SUGCT: variants seen among roughly 807,000 people sequenced by gnomAD.
SUGCT encodes succinyl-CoA:glutarate CoA-transferase.
In SUGCT, 41 loss-of-function variants were observed where a neutral mutation model predicts 55.0. That is an observed-to-expected ratio of 0.74 (90% CI 0.58 to 0.97). The LOEUF (loss-of-function observed/expected upper bound fraction) is 0.97. Among genes scored for constraint, SUGCT ranks in the 50% least tolerant of loss-of-function variants. SUGCT has a pLI of 0.00. For missense variants in SUGCT, 568 were observed against 547.8 expected (o/e 1.04, Z -0.37); for synonymous variants, 187 against 200.4 (o/e 0.93, Z 0.56).
intron 11 of SUGCT, among the ~76,000 whole-genome samples, chr7:40,488,646 C>T (rs1336870387): frequency 6.6e-6 from 1 of 152,116 alleles, no homozygotes; most frequent in Non-Finnish European, 1.5e-5. Flanking sequence ...TTTAGCATTT[C>T]TGGTAAGGCA....
chr7:40,659,755 G>A (rs529558215), intron 12 of SUGCT, among the ~76,000 whole-genome samples: 4 of 152,278 alleles, frequency 2.6e-5, no homozygotes, highest in Admixed American at 6.5e-5. Context: ...TCTAACCAGT[G>A]ACTCACTGAG....
At chr7:40,570,550 G>A (rs1796386948) in intron 12 of SUGCT, among the ~76,000 whole-genome samples, 1 of 152,180 alleles carries the variant, frequency 6.6e-6, no homozygotes, top group African/African-American at 2.4e-5. Context: ...TGTGCATGGA[G>A]CAATTGCCCT....
At chr7:40,449,990 G>A (rs907132331) in intron 10 of SUGCT, among the ~76,000 whole-genome samples, 10 of 152,100 alleles carry the variant, frequency 6.6e-5, no homozygotes, top group Non-Finnish European at 1.0e-4. Context: ...ACTAAACTTC[G>A]CCATCTTGGA....
intron 13 of SUGCT, among the ~76,000 whole-genome samples, chr7:40,788,253 G>A (rs1414472527): frequency 6.6e-6 from 1 of 152,226 alleles, no homozygotes; most frequent in Non-Finnish European, 1.5e-5. Flanking sequence ...CCAGCATGCA[G>A]TCAAAGGAGG....
At chr7:40,159,462 C>T (rs1396429074) in intron 1 of SUGCT, among the ~76,000 whole-genome samples, 4 of 151,934 alleles carry the variant, frequency 2.6e-5, no homozygotes, top group African/African-American at 9.7e-5. Flanking sequence ...TCTCTGCCTC[C>T]TGGGTTCAAG....
intron 12 of SUGCT, among the ~76,000 whole-genome samples, chr7:40,687,493 T>G (rs1366624630): frequency 6.6e-6 from 1 of 152,176 alleles, no homozygotes; most frequent in African/African-American, 2.4e-5. Context: ...TAGTCCCTTC[T>G]ACCTTTTTCT....
chr7:40,137,155 T>TC (rs1787742856), intron 1 of SUGCT, among the ~76,000 whole-genome samples: 1 of 152,068 alleles, frequency 6.6e-6, no homozygotes, highest in South Asian at 2.1e-4. Flanking sequence ...CATGGGGTGG[T>TC]CTCACTCTGT....
Position 40,666,054 on chromosome 7 carries a change from C to T in SUGCT, c.1090-83380C>T, listed in dbSNP as rs575559462. On this transcript the variant is annotated intron_variant, in intron 12 of 13. Coordinates refer to ENST00000335693, the MANE Select transcript of SUGCT (RefSeq NM_001193313.2). ...GAATGGGAGAACTGCTTCTTGTGGC[C>T]GGAAGGAAAGAAGAAAGAAGGGAGG... Among the ~76,000 whole-genome samples, 33 of 151,922 alleles carry T rather than the reference C, an allele frequency of 2.2e-4. 1 individual carries two copies. The highest frequency in any genetic ancestry group is 9.7e-4 in the East Asian group (5 of 5,148).
At chr7:40,442,556 T>C (rs905618674) in intron 9 of SUGCT, among the ~76,000 whole-genome samples, 1 of 152,124 alleles carries the variant, frequency 6.6e-6, no homozygotes, top group Non-Finnish European at 1.5e-5. Flanking sequence ...TATTTATTTA[T>C]TTTTGTCTTT....
chr7:40,156,538 T>C (rs188143046), intron 1 of SUGCT, among the ~76,000 whole-genome samples: 1 of 152,248 alleles, frequency 6.6e-6, no homozygotes, highest in African/African-American at 2.4e-5. Context: ...AAATGGGCTG[T>C]ATTCAAAGGA....
At chr7:40,802,980 A>G (rs577401735) in intron 13 of SUGCT, among the ~76,000 whole-genome samples, 5 of 152,320 alleles carry the variant, frequency 3.3e-5, no homozygotes, top group African/African-American at 1.2e-4. Context: ...TATCCATTTA[A>G]ACACACTATT....
At chr7:40,216,193 C>T (rs1359680124) in intron 6 of SUGCT, among the ~76,000 whole-genome samples, 1 of 150,168 alleles carries the variant, frequency 6.7e-6, no homozygotes, top group African/African-American at 2.5e-5. Flanking sequence ...GGCAGATTCA[C>T]AAATAGCTTA....
chr7:40,329,894 T>G (rs1339208019), intron 9 of SUGCT, among the ~76,000 whole-genome samples: 1 of 152,242 alleles, frequency 6.6e-6, no homozygotes, highest in Non-Finnish European at 1.5e-5. Context: ...AAGGTAAAAC[T>G]ATCATTCTCT....
In SUGCT at chr7:40,257,705, G is replaced by A. The variant is rs529215927; in HGVS notation, c.577-16808G>A. 5.9e-5 allele frequency among the ~76,000 whole-genome samples: 9 copies of A among 151,960 alleles called. No homozygotes were observed. In the South Asian group the frequency reaches 8.4e-4, roughly 14 times the overall value. On this transcript the variant is annotated intron_variant, in intron 7 of 13. Coordinates refer to ENST00000335693, the MANE Select transcript of SUGCT (RefSeq NM_001193313.2). ...AGCCTGGCCAACATGCATAAACCCC[G>A]TCTCTACAAAAATACAAAAATTAGC...
intron 12 of SUGCT, among the ~76,000 whole-genome samples, chr7:40,677,699 A>G (rs1345319006): frequency 6.6e-6 from 1 of 152,206 alleles, no homozygotes; most frequent in African/African-American, 2.4e-5. Flanking sequence ...TCTTGCTTTT[A>G]AAAGATCTCT....
rs151260613 is a variant in SUGCT, at chr7:40,725,670, T to C, written c.1090-23764T>C. Among the ~76,000 whole-genome samples the C allele has an allele frequency of 4.2e-4, 64 of 152,164 alleles. No homozygotes were observed. In the East Asian group the frequency reaches 9.3e-3, roughly 22 times the overall value. The stretch of plus-strand genomic sequence containing the variant: ...AAGCTGATATGCTTCCTCCTAATGG[T>C]AATCTCTTGAAACCCTATAGTTAAT... On this transcript the variant is annotated intron_variant, in intron 12 of 13. Coordinates refer to ENST00000335693, the MANE Select transcript of SUGCT (RefSeq NM_001193313.2).
chr7:40,753,645 T>C (rs1788123428), intron 13 of SUGCT, among the ~76,000 whole-genome samples: 1 of 152,182 alleles, frequency 6.6e-6, no homozygotes, highest in Non-Finnish European at 1.5e-5. Flanking sequence ...TCTTAGTCAT[T>C]ACCAGAAACT....
At chr7:40,391,682 G>A (rs1785440249) in intron 9 of SUGCT, among the ~76,000 whole-genome samples, 1 of 152,154 alleles carries the variant, frequency 6.6e-6, no homozygotes, top group Non-Finnish European at 1.5e-5. Context: ...TTACACTGTT[G>A]GTGGGACTGT....
At position 40,352,942 on chromosome 7, in the gene SUGCT, TTTTTTGAC is replaced by T. The variant is rs1170161958; in HGVS notation, c.816+36093_816+36100del. ...TCTACAACTTTGTCAACATCTGTTA[TTTTTTGAC>T]TTTTTAATAATAGGCATTCTGACTG... On this transcript the variant is annotated intron_variant, in intron 9 of 13. Coordinates refer to ENST00000335693, the MANE Select transcript of SUGCT (RefSeq NM_001193313.2). 3.3e-5 allele frequency among the ~76,000 whole-genome samples: 5 copies of T among 152,342 alleles called. No individual in the cohort carries two copies. The East Asian group carries it at 9.6e-4, about 29-fold the overall frequency.
Sources: allele counts gnomAD v4.1 joint callset (sites outside exome capture counted in the v4.1 genomes callset), GRCh38; gene constraint gnomAD v4.1.1; transcripts MANE v1.5; gene names NCBI Gene and HGNC (gene_info 2026-07-23, HGNC 2026-07-21).